DGKB: variants seen among roughly 807,000 people sequenced by gnomAD.
The protein encoded by DGKB is diacylglycerol kinase beta.
In DGKB, 67 loss-of-function variants were observed where a neutral mutation model predicts 114.3. The ratio of observed to expected loss-of-function variants is 0.59; its 90% CI spans 0.48 to 0.72. The LOEUF is 0.72. Among genes scored for constraint, DGKB ranks in the 30% least tolerant of loss-of-function variants. The probability of loss-of-function intolerance (pLI) is 0.00; values close to 1 mark genes in which losing one functional copy is unlikely to be tolerated. For missense variants in DGKB, 907 were observed against 975.2 expected, an observed-to-expected ratio of 0.93 and a Z score of 0.93; for synonymous variants, 398 against 323.1, an observed-to-expected ratio of 1.23 and a Z score of -2.49.
At chr7:14,375,010 C>G (rs1818264102) in intron 21 of DGKB, among the ~76,000 whole-genome samples, 3 of 152,212 alleles carry the variant, frequency 2.0e-5, no homozygotes, top group Middle Eastern at 6.8e-3. Context: ...CATCTTTATC[C>G]CTGAATGAGT....
intron 23 of DGKB, among the ~76,000 whole-genome samples, chr7:14,210,408 C>A (rs1159865681): frequency 6.6e-6 from 1 of 152,114 alleles, no homozygotes; most frequent in Admixed American, 6.6e-5. Context: ...TTTGTCCTTT[C>A]AGTTTAGTTA....
At chr7:14,348,697 A>G (rs562681998) in intron 21 of DGKB, among the ~76,000 whole-genome samples, 1 of 152,110 alleles carries the variant, frequency 6.6e-6, no homozygotes, top group East Asian at 1.9e-4. Context: ...AAAAATAATA[A>G]ATTGAGTTTC....
intron 2 of DGKB, among the ~76,000 whole-genome samples, chr7:14,827,379 T>C (rs1845838169): frequency 6.6e-6 from 1 of 151,694 alleles, no homozygotes; most frequent in African/African-American, 2.4e-5. Flanking sequence ...TTAAACTGAA[T>C]AATAGAGAGG....
intron 21 of DGKB, among the ~76,000 whole-genome samples, chr7:14,474,440 C>A (rs1013272837): frequency 1.3e-5 from 2 of 152,282 alleles, no homozygotes; most frequent in East Asian, 3.9e-4. Context: ...TTATCAGCAG[C>A]GTGAAAACAG....
At chr7:14,580,157 G>A (rs1339270647) in intron 19 of DGKB, among the ~76,000 whole-genome samples, 3 of 152,100 alleles carry the variant, frequency 2.0e-5, no homozygotes, top group Admixed American at 2.0e-4. Flanking sequence ...TATGTCAAGT[G>A]CCTTCCCACC....
intron 6 of DGKB, among the ~76,000 whole-genome samples, chr7:14,714,376 C>A (rs920199086): frequency 6.6e-6 from 1 of 152,074 alleles, no homozygotes; most frequent in African/African-American, 2.4e-5. Context: ...ACAGCCAAAG[C>A]AAGCCTGGCA....
chr7:14,293,798 C>T (rs1802118802), intron 23 of DGKB, among the ~76,000 whole-genome samples: 1 of 152,176 alleles, frequency 6.6e-6, no homozygotes, highest in African/African-American at 2.4e-5. Context: ...CTTCCTGCTG[C>T]ACTTGGAATA....
intron 23 of DGKB, among the ~76,000 whole-genome samples, chr7:14,275,460 C>A (rs1798860514): frequency 6.6e-6 from 1 of 152,164 alleles, no homozygotes. Flanking sequence ...TTAAATCTTT[C>A]CACATTTTTT....
intron 2 of DGKB, among the ~76,000 whole-genome samples, chr7:14,758,902 TA>T (rs1487690830): frequency 7.0e-6 from 1 of 142,346 alleles, no homozygotes; most frequent in Non-Finnish European, 1.5e-5. Context: ...GATAGATAGA[TA>T]GATAGATAGA....
chr7:14,568,983 G>T (rs1797989294), intron 20 of DGKB, among the ~76,000 whole-genome samples: 1 of 152,160 alleles, frequency 6.6e-6, no homozygotes, highest in African/African-American at 2.4e-5. Context: ...GCATAAAGTT[G>T]AGATGCATCC....
chr7:14,450,000 C>G lies in DGKB; in HGVS notation c.1835+28161G>C, dbSNP rs1460242829. Among the ~76,000 whole-genome samples, 5 of 151,848 alleles carry G rather than the reference C, an allele frequency of 3.3e-5. No individual in the cohort carries two copies. The South Asian group carries it at 8.3e-4, about 25-fold the overall frequency. The stretch of plus-strand genomic sequence containing the variant: ...TTTTAAATTAGTGTACTTTGCTTCT[C>G]AAAGTTCATTATGTATTACTTGCTA... On this transcript the variant is annotated intron_variant, in intron 21 of 25. Transcript: ENST00000402815.
intron 21 of DGKB, among the ~76,000 whole-genome samples, chr7:14,477,163 T>C (rs1782310245): frequency 6.6e-6 from 1 of 152,194 alleles, no homozygotes; most frequent in Non-Finnish European, 1.5e-5. Flanking sequence ...TAGAAAACTA[T>C]AAAACAATTT....
chr7:14,856,141 A>T (rs1385586209), intron 1 of DGKB, among the ~76,000 whole-genome samples: 2 of 152,064 alleles, frequency 1.3e-5, no homozygotes, highest in Non-Finnish European at 2.9e-5. Flanking sequence ...TGGCATTAAG[A>T]ATACTTTTTA....
intron 17 of DGKB, among the ~76,000 whole-genome samples, chr7:14,583,542 A>G (rs1415709541): frequency 6.6e-6 from 1 of 152,214 alleles, no homozygotes; most frequent in Non-Finnish European, 1.5e-5. Flanking sequence ...GAGTGAATAT[A>G]TAAATGTGAC....
At chr7:14,815,956 C>A (rs1356114044) in intron 2 of DGKB, among the ~76,000 whole-genome samples, 2 of 152,166 alleles carry the variant, frequency 1.3e-5, no homozygotes, top group African/African-American at 4.8e-5. Context: ...GTAAATGGCT[C>A]ACGCTGCAAG....
chr7:14,415,015 C>A (rs749139555), intron 21 of DGKB, among the ~76,000 whole-genome samples: 8 of 132,618 alleles, frequency 6.0e-5, no homozygotes, highest in South Asian at 5.2e-4. Flanking sequence ...TAAAAAAAAA[C>A]CCTCCTATAG....
chr7:14,678,100 G>A (rs1820192012), intron 12 of DGKB, among the ~76,000 whole-genome samples: 7 of 152,022 alleles, frequency 4.6e-5, no homozygotes, highest in Admixed American at 2.0e-4. Context: ...TAGTACATAT[G>A]TTTGAAATTT....
At chr7:14,239,333 G>C (rs967448478) in intron 23 of DGKB, among the ~76,000 whole-genome samples, 4 of 151,942 alleles carry the variant, frequency 2.6e-5, no homozygotes, top group Non-Finnish European at 5.9e-5. Context: ...ATTCAGCAAA[G>C]TTTAAAGCTC....
chr7:14,439,745 TC>T (rs1241187468), intron 21 of DGKB, among the ~76,000 whole-genome samples: 3 of 151,204 alleles, frequency 2.0e-5, no homozygotes, highest in Non-Finnish European at 4.4e-5. Flanking sequence ...GTGCCTGTAA[TC>T]CCAGCTACTT....
Sources: gnomAD v4.1 joint callset for allele counts (sites outside exome capture counted in the v4.1 genomes callset) on GRCh38, gnomAD v4.1.1 for gene constraint, MANE v1.5 for transcripts, NCBI Gene and HGNC (gene_info 2026-07-23, HGNC 2026-07-21) for gene names.